Variants in MTUS2 observed in about 807,000 individuals in gnomAD.
MTUS2 encodes microtubule associated scaffold protein 2.
In MTUS2, 40 loss-of-function variants were observed where a neutral mutation model predicts 114.1. The observed-to-expected ratio is 0.35, with a 90% CI of 0.27 to 0.46. The LOEUF (loss-of-function observed/expected upper bound fraction) is 0.46. MTUS2 is among the 20% of genes least tolerant of loss of function. The pLI, the probability that MTUS2 is intolerant of heterozygous loss-of-function variation, is 1.00. For synonymous variants in MTUS2, 688 were observed against 672.0 expected (o/e 1.02, Z -0.37); for missense variants, 1,679 against 1,705.4 (o/e 0.98, Z 0.27).
At chr13:29,281,121 C>A (rs1898247910) in intron 5 of MTUS2, among the ~76,000 whole-genome samples, 1 of 152,160 alleles carries the variant, frequency 6.6e-6, no homozygotes, top group Non-Finnish European at 1.5e-5. Flanking sequence ...AAACAGAAAG[C>A]CTGCTTGAGT....
chr13:29,114,885 CA>C (rs1271477199), intron 5 of MTUS2, among the ~76,000 whole-genome samples: 2 of 152,120 alleles, frequency 1.3e-5, no homozygotes, highest in Non-Finnish European at 2.9e-5. Context: ...ACTGTTTAAA[CA>C]GAAAAATTTT....
chr13:28,827,035 A>G (rs1874315869), intron 1 of MTUS2, among the ~76,000 whole-genome samples: 1 of 152,346 alleles, frequency 6.6e-6, no homozygotes, highest in South Asian at 2.1e-4. Flanking sequence ...TTTTCTACAC[A>G]CAAATAATTG....
intron 8 of MTUS2, among the ~76,000 whole-genome samples, chr13:29,370,099 C>T (rs916013827): frequency 6.6e-6 from 1 of 152,164 alleles, no homozygotes; most frequent in South Asian, 2.1e-4. Flanking sequence ...CCTATAATCC[C>T]AGCACTTTGG....
intron 5 of MTUS2, among the ~76,000 whole-genome samples, chr13:29,106,239 T>C (rs977814583): frequency 1.3e-5 from 2 of 152,226 alleles, no homozygotes; most frequent in African/African-American, 4.8e-5. Flanking sequence ...TGAACACTTT[T>C]TCAGAAAACA....
intron 2 of MTUS2, among the ~76,000 whole-genome samples, chr13:28,985,688 C>T (rs535245254): frequency 7.2e-5 from 11 of 151,948 alleles, no homozygotes; most frequent in South Asian, 2.1e-4. Context: ...CCACGATGCC[C>T]GGATATGTGG....
At chr13:28,841,938 G>C (rs1198139861) in intron 2 of MTUS2, among the ~76,000 whole-genome samples, 1 of 152,196 alleles carries the variant, frequency 6.6e-6, no homozygotes, top group African/African-American at 2.4e-5. Context: ...GCCCGCCTTG[G>C]CCTCCCAAAT....
At chr13:29,161,008 T>A (rs1893074151) in intron 5 of MTUS2, among the ~76,000 whole-genome samples, 1 of 152,070 alleles carries the variant, frequency 6.6e-6, no homozygotes, top group Non-Finnish European at 1.5e-5. Flanking sequence ...ATGGATGAAG[T>A]AGGGTGGGAT....
At chr13:29,428,824 T>TGCCA in intron 8 of MTUS2, 1 of 1,613,802 alleles carries the variant, frequency 6.2e-7, no homozygotes, top group South Asian at 1.1e-5. Context: ...GAGGTCCCCT[T>TGCCA]GCCAGCCAGC....
intron 1 of MTUS2, among the ~76,000 whole-genome samples, chr13:28,836,967 C>T (rs1875127629): frequency 6.6e-6 from 1 of 152,146 alleles, no homozygotes; most frequent in Non-Finnish European, 1.5e-5. Flanking sequence ...TTCAGATCTG[C>T]CCCCCTTAGT....
chr13:29,167,248 G>A (rs982257750), intron 5 of MTUS2, among the ~76,000 whole-genome samples: 14 of 151,720 alleles, frequency 9.2e-5, no homozygotes, highest in African/African-American at 2.2e-4. Context: ...GGTTGCGGGC[G>A]CCTGTAGTCC....
chr13:29,045,964 CAT>C (rs888429203), intron 4 of MTUS2, among the ~76,000 whole-genome samples: 7 of 152,220 alleles, frequency 4.6e-5, no homozygotes, highest in East Asian at 3.9e-4. Context: ...ATTTCTGACA[CAT>C]GTTTCTCCCC....
chr13:29,325,496 A>G lies in MTUS2; in HGVS notation c.2905+785A>G, dbSNP rs1205182834. Reference sequence around the variant, plus strand: ...GAAAAGAAGAAGAGGAAGAGGGAGGAGGAGGAGGAGGAGAAGGAGGAGGAG... The same window carrying G: ...GAAAAGAAGAAGAGGAAGAGGGAGGGGGAGGAGGAGGAGAAGGAGGAGGAG... On this transcript the variant is annotated intron_variant, in intron 7 of 15. Coordinates refer to ENST00000612955, the MANE Select transcript of MTUS2 (RefSeq NM_001033602.4). Among the ~76,000 whole-genome samples, 447 of 121,314 alleles carry G rather than the reference A, an allele frequency of 3.7e-3. 2 individuals are homozygous for G. Among genetic ancestry groups the G allele is most frequent in the Middle Eastern group, 8.1e-3 (2 of 248 alleles). 79.6% of individuals were successfully genotyped at this position (121,314 alleles called of 152,430 possible). A position where few individuals can be genotyped will look rare whatever the true frequency, so the allele number is the denominator to read the frequency against.
At chr13:29,142,133 G>C (rs7997007) in intron 5 of MTUS2, among the ~76,000 whole-genome samples, 27,850 of 151,784 alleles carry the variant, frequency 0.18, 5,093 homozygotes, top group African/African-American at 0.48. Context: ...GTGCTATGGG[G>C]ATCTAATTTT....
At chr13:29,156,971 G>A (rs1805769659) in intron 5 of MTUS2, among the ~76,000 whole-genome samples, 1 of 152,124 alleles carries the variant, frequency 6.6e-6, no homozygotes, top group South Asian at 2.1e-4. Context: ...TGTCTTTAGA[G>A]TCTTTAAATA....
Position 28,965,339 on chromosome 13 carries a change from T to C in MTUS2, c.-242-59118T>C, listed in dbSNP as rs191171369. Among the ~76,000 whole-genome samples the C allele has an allele frequency of 2.6e-3, 398 of 152,304 alleles. 2 individuals carry two copies. The highest frequency in any genetic ancestry group is 2.2e-3 in the Non-Finnish European group (149 of 68,024). On this transcript the variant is annotated intron_variant, in intron 2 of 15. Coordinates refer to ENST00000612955, the MANE Select transcript of MTUS2 (RefSeq NM_001033602.4). Reference sequence around the variant, plus strand: ...CGTTTGTAATCAGTGGGCCTAGATCTTGAATCTCAGTGTTTGGATTCTAAA... The same window carrying C: ...CGTTTGTAATCAGTGGGCCTAGATCCTGAATCTCAGTGTTTGGATTCTAAA...
chr13:29,253,153 C>T (rs1897182746), intron 5 of MTUS2, among the ~76,000 whole-genome samples: 1 of 151,406 alleles, frequency 6.6e-6, no homozygotes, highest in East Asian at 1.9e-4. Context: ...CGGCTGGTCA[C>T]AGTGGCTCAC....
intron 7 of MTUS2, among the ~76,000 whole-genome samples, chr13:29,356,557 T>C (rs78883526): frequency 0.074 from 11,238 of 152,074 alleles, 1,385 homozygotes; most frequent in African/African-American, 0.26. Flanking sequence ...CGGTATGACA[T>C]GTGGGTGGAC....
intron 8 of MTUS2, among the ~76,000 whole-genome samples, chr13:29,437,568 A>G (rs1021909971): frequency 1.3e-5 from 2 of 152,220 alleles, no homozygotes; most frequent in Non-Finnish European, 2.9e-5. Context: ...TGATTAGAAC[A>G]TGTTCCCTGT....
intron 5 of MTUS2, among the ~76,000 whole-genome samples, chr13:29,138,931 C>A (rs1892099590): frequency 6.6e-6 from 1 of 152,022 alleles, no homozygotes; most frequent in Non-Finnish European, 1.5e-5. Context: ...TTTTTTAAGA[C>A]AAAGCACATC....
Sources: gnomAD v4.1 joint callset for allele counts (sites outside exome capture counted in the v4.1 genomes callset) on GRCh38, gnomAD v4.1.1 for gene constraint, MANE v1.5 for transcripts, NCBI Gene and HGNC (gene_info 2026-07-23, HGNC 2026-07-21) for gene names.